The following CACNA1C variants were observed in gnomAD, a reference collection of about 807,000 sequenced individuals.
CACNA1C encodes voltage-dependent L-type calcium channel subunit alpha-1C.
Under a neutral mutation model 229.0 loss-of-function variants are expected in CACNA1C, and 30 were observed. The ratio of observed to expected loss-of-function variants is 0.13; its 90% CI spans 0.10 to 0.18. The LOEUF (loss-of-function observed/expected upper bound fraction) is 0.18. Among genes scored for constraint, CACNA1C ranks in the 10% least tolerant of loss-of-function variants. The pLI, the probability that CACNA1C is intolerant of heterozygous loss-of-function variation, is 1.00. For missense variants in CACNA1C, 1,658 were observed against 2,845.0 expected, an observed-to-expected ratio of 0.58 and a Z score of 9.49; for synonymous variants, 1,114 against 1,132.5, an observed-to-expected ratio of 0.98 and a Z score of 0.33.
intron 3 of CACNA1C, among the ~76,000 whole-genome samples, chr12:2,140,792 C>T (rs994107350): frequency 2.0e-5 from 3 of 151,382 alleles, no homozygotes; most frequent in South Asian, 2.1e-4. Flanking sequence ...AACAAGGGTG[C>T]GCAGGGTCTC....
At chr12:2,385,346 C>T (rs557051975) in intron 3 of CACNA1C, among the ~76,000 whole-genome samples, 5 of 151,238 alleles carry the variant, frequency 3.3e-5, no homozygotes, top group East Asian at 1.9e-4. Context: ...CTCCCGGCAA[C>T]GGAACCTCAT....
chr12:2,416,133 G>A (rs2098893767), intron 3 of CACNA1C, among the ~76,000 whole-genome samples: 1 of 152,124 alleles, frequency 6.6e-6, no homozygotes. Context: ...TCTCAGCCCT[G>A]GTTGTTTTCC....
chr12:2,249,934 G>A lies in CACNA1C; in HGVS notation c.477+129504G>A, dbSNP rs958290634. Among the ~76,000 whole-genome samples, 5 of 152,014 alleles carry A rather than the reference G, an allele frequency of 3.3e-5. No individual in the cohort carries two copies. In the East Asian group the frequency reaches 9.7e-4, roughly 29 times the overall value. On this transcript the variant is annotated intron_variant, in intron 3 of 46. Coordinates refer to ENST00000399655, the MANE Select transcript of CACNA1C (RefSeq NM_000719.7). The stretch of plus-strand genomic sequence containing the variant: ...CACCATTCTCCTGCCTCAGTCTCTC[G>A]AGTAGCTGAGACTACAGGCGCCCGC...
intron 3 of CACNA1C, among the ~76,000 whole-genome samples, chr12:2,205,817 G>T (rs548886825): frequency 2.6e-5 from 4 of 152,310 alleles, no homozygotes; most frequent in African/African-American, 9.6e-5. Flanking sequence ...GGTGCCAGCA[G>T]ATTTGGTGTC....
intron 3 of CACNA1C, among the ~76,000 whole-genome samples, chr12:2,153,979 C>T (rs1373845917): frequency 3.3e-5 from 5 of 152,214 alleles, no homozygotes; most frequent in Non-Finnish European, 7.3e-5. Context: ...ACTCTGTTCC[C>T]TTTCTCCCAA....
chr12:2,631,856 C>T (rs1048719228), intron 29 of CACNA1C, among the ~76,000 whole-genome samples: 7 of 152,144 alleles, frequency 4.6e-5, no homozygotes, highest in African/African-American at 1.7e-4. Context: ...TGACCTCCCA[C>T]GCTAAGAATA....
At chr12:2,250,929 G>A (rs146504834) in intron 3 of CACNA1C, among the ~76,000 whole-genome samples, 60 of 152,224 alleles carry the variant, frequency 3.9e-4, no homozygotes, top group African/African-American at 1.3e-3. Flanking sequence ...TGGGTTTGCT[G>A]GAACACAGAC....
chr12:2,250,159 TC>T (rs1212738405), intron 3 of CACNA1C, among the ~76,000 whole-genome samples: 1 of 152,132 alleles, frequency 6.6e-6, no homozygotes, highest in Non-Finnish European at 1.5e-5. Context: ...TCAGTCCATC[TC>T]CCTGAGGCAT....
In CACNA1C at chr12:2,566,697, C is replaced by T; in HGVS notation, c.1669+115C>T. ...AGGGGAAAGCAGCCAATGGTCGGGG[C>T]TCTTGGCAGGTGCTGTGCTGGAGAC... On this transcript the variant is annotated intron_variant, in intron 12 of 46. Coordinates refer to ENST00000399655, the MANE Select transcript of CACNA1C (RefSeq NM_000719.7). The surrounding 1 kb of genome is among the most constrained non-coding windows in gnomAD (Gnocchi z 4.0). The T allele has an allele frequency of 1.1e-6, 1 of 883,446 alleles. No individual in the cohort carries two copies. The highest frequency in any genetic ancestry group is 1.7e-6 in the Non-Finnish European group (1 of 585,168). 54.7% of individuals were successfully genotyped at this position (883,446 alleles called of 1,614,324 possible).
chr12:2,679,524 T>C lies in CACNA1C; in HGVS notation c.5172T>C (p.Thr1724=). ...GRSAFPQTFT[T]QRPLHINKAG... ...GCGCCTTCCCCCAGACCTTCACCAC[T>C]CAGCGCCCGCTGCACATCAACAAGG... is the stretch of plus-strand genomic sequence containing the variant. The change falls in exon 42 of 47, where the codon ACT becomes ACC. Residue 1724 remains threonine (T), a synonymous_variant. Transcript: ENST00000399655. The surrounding 1 kb of genome is among the most constrained non-coding windows in gnomAD (Gnocchi z 5.5). The C allele has an allele frequency of 6.2e-7, 1 of 1,612,332 alleles. No individual in the cohort carries two copies. Among genetic ancestry groups the C allele is most frequent in the Non-Finnish European group, 8.5e-7 (1 of 1,179,178 alleles).
intron 3 of CACNA1C, among the ~76,000 whole-genome samples, chr12:2,326,007 A>T (rs2096273772): frequency 6.6e-6 from 1 of 152,186 alleles, no homozygotes; most frequent in South Asian, 2.1e-4. Flanking sequence ...GACGGCTGTG[A>T]GGAAGGGCAC....
At chr12:2,437,720 G>T (rs1388784295) in intron 3 of CACNA1C, among the ~76,000 whole-genome samples, 1 of 151,868 alleles carries the variant, frequency 6.6e-6, no homozygotes, top group Non-Finnish European at 1.5e-5. Flanking sequence ...GGTAATGGTA[G>T]AGGTAGTTTG....
chr12:2,061,526 C>A (rs185105291), intron 1 of CACNA1C, among the ~76,000 whole-genome samples: 1 of 128,408 alleles, frequency 7.8e-6, no homozygotes, highest in Non-Finnish European at 1.6e-5. Flanking sequence ...GCTCCCAGGA[C>A]GGTGGAGCCA....
At chr12:2,582,141 TA>T (rs71441686) in intron 14 of CACNA1C, among the ~76,000 whole-genome samples, 3,304 of 133,824 alleles carry the variant, frequency 0.025, 83 homozygotes, top group African/African-American at 0.066. Context: ...CCGTCTCAAA[TA>T]AAAAAAAAAA....
intron 29 of CACNA1C, among the ~76,000 whole-genome samples, chr12:2,628,418 T>C (rs1469338528): frequency 6.6e-6 from 1 of 152,176 alleles, no homozygotes; most frequent in Non-Finnish European, 1.5e-5. Context: ...TCAGGAGAGT[T>C]TGAATACTAG....
chr12:2,154,344 A>G (rs761878955), intron 3 of CACNA1C, among the ~76,000 whole-genome samples: 6 of 152,238 alleles, frequency 3.9e-5, no homozygotes, highest in Non-Finnish European at 7.3e-5. Flanking sequence ...AAAACCTGCC[A>G]GGTTATCAAA....
At chr12:2,399,381 C>G (rs1455831089) in intron 3 of CACNA1C, among the ~76,000 whole-genome samples, 5 of 152,148 alleles carry the variant, frequency 3.3e-5, no homozygotes, top group African/African-American at 9.7e-5. Flanking sequence ...TCAGGTCACA[C>G]AGATGTGAAG....
intron 3 of CACNA1C, among the ~76,000 whole-genome samples, chr12:2,294,622 C>T (rs1442015691): frequency 6.6e-6 from 1 of 151,920 alleles, no homozygotes; most frequent in Non-Finnish European, 1.5e-5. Context: ...AGAAACCAAG[C>T]AAGGGAGCGT....
intron 1 of CACNA1C, among the ~76,000 whole-genome samples, chr12:2,102,386 G>T (rs771442458): frequency 1.3e-5 from 2 of 152,090 alleles, no homozygotes; most frequent in African/African-American, 2.4e-5. Flanking sequence ...CCAAGTATTA[G>T]ACTTTAACTC....
Sources: allele counts gnomAD v4.1 joint callset (sites outside exome capture counted in the v4.1 genomes callset), GRCh38; gene constraint gnomAD v4.1.1; non-coding constraint Gnocchi (gnomAD v3.1); transcripts MANE v1.5; gene names NCBI Gene and HGNC (gene_info 2026-07-23, HGNC 2026-07-21).